The following SENP1 variants were observed in gnomAD, a reference collection of about 807,000 sequenced individuals.
The protein encoded by SENP1 is SUMO specific peptidase 1.
Under a neutral mutation model 93.0 loss-of-function variants are expected in SENP1, and 21 were observed. The ratio of observed to expected loss-of-function variants is 0.23; its 90% CI spans 0.16 to 0.33. The LOEUF (loss-of-function observed/expected upper bound fraction) is 0.33. Among genes scored for constraint, SENP1 ranks in the 10% least tolerant of loss-of-function variants. The pLI is 1.00. For synonymous variants in SENP1, 256 were observed against 259.6 expected, an observed-to-expected ratio of 0.99 and a Z score of 0.13; for missense variants, 591 against 758.7, an observed-to-expected ratio of 0.78 and a Z score of 2.60.
intron 1 of SENP1, among the ~76,000 whole-genome samples, chr12:48,103,819 C>G (rs1011686376): frequency 6.6e-6 from 1 of 152,128 alleles, no homozygotes; most frequent in Non-Finnish European, 1.5e-5. Context: ...CAAAAAAGAT[C>G]ACAGTCTTGA....
chr12:48,071,804 C>T, intron 8 of SENP1, 83 bp from the exon 9 acceptor site: 1 of 898,596 alleles, frequency 1.1e-6, no homozygotes, highest in South Asian at 1.7e-5. Flanking sequence ...AGTTCCCATA[C>T]TTTGCTATAT....
chr12:48,078,830 C>T, intron 6 of SENP1, among the ~76,000 whole-genome samples: 1 of 152,202 alleles, frequency 6.6e-6, no homozygotes, highest in East Asian at 1.9e-4. Flanking sequence ...ACATCTTTCT[C>T]TGTAAATTAC....
intron 11 of SENP1, 40 bp downstream of exon 11, chr12:48,065,556 T>C (rs1005693886): frequency 1.5e-6 from 2 of 1,308,282 alleles, no homozygotes; most frequent in Non-Finnish European, 2.1e-6. Flanking sequence ...TACTTTGATG[T>C]ACTATTTATT....
intron 2 of SENP1, 63 bp from the exon 3 acceptor site, chr12:48,098,187 C>T (rs1321884826): frequency 1.8e-5 from 28 of 1,520,584 alleles, no homozygotes; most frequent in Non-Finnish European, 2.2e-5. Context: ...TTCCTATGAA[C>T]CAATCTTTTC....
chr12:48,047,110 A>G, intron 15 of SENP1, 48 bp from the exon 16 acceptor site: 11 of 1,143,412 alleles, frequency 9.6e-6, no homozygotes, highest in Non-Finnish European at 1.4e-5. Context: ...AACATCGATG[A>G]CAGCTGCCAC....
At chr12:48,073,703 C>T (rs1409641415) in intron 8 of SENP1, among the ~76,000 whole-genome samples, 1 of 152,156 alleles carries the variant, frequency 6.6e-6, no homozygotes, top group African/African-American at 2.4e-5. Context: ...GACAATCATT[C>T]TAAAACGCAC....
intron 12 of SENP1, among the ~76,000 whole-genome samples, chr12:48,064,576 T>A (rs1943172489): frequency 6.6e-6 from 1 of 152,226 alleles, no homozygotes; most frequent in African/African-American, 2.4e-5. Context: ...AGTTCTTTCA[T>A]AAATTTTCAA....
intron 4 of SENP1, among the ~76,000 whole-genome samples, chr12:48,093,778 A>C (rs1945374568): frequency 6.6e-6 from 1 of 152,004 alleles, no homozygotes; most frequent in African/African-American, 2.4e-5. Context: ...TAGCCTGGAC[A>C]ACATGGCGAA....
chr12:48,068,761 A>G (rs1943462999), intron 9 of SENP1, among the ~76,000 whole-genome samples: 1 of 152,224 alleles, frequency 6.6e-6, no homozygotes, highest in African/African-American at 2.4e-5. Flanking sequence ...TATTAGTAAC[A>G]AACAAGGTAG....
At chr12:48,068,670 A>G (rs1217145222) in intron 9 of SENP1, among the ~76,000 whole-genome samples, 2 of 152,170 alleles carry the variant, frequency 1.3e-5, no homozygotes, top group Non-Finnish European at 2.9e-5. Flanking sequence ...TAGGAAATTC[A>G]TTTGTTTAAC....
At chr12:48,054,494 T>G (rs1942071888) in intron 13 of SENP1, among the ~76,000 whole-genome samples, 1 of 152,158 alleles carries the variant, frequency 6.6e-6, no homozygotes, top group Admixed American at 6.5e-5. Flanking sequence ...TCTTTACATT[T>G]AAAATGGTTC....
At chr12:48,076,575 G>A (rs751779317) in intron 6 of SENP1, among the ~76,000 whole-genome samples, 30 of 150,688 alleles carry the variant, frequency 2.0e-4, no homozygotes, top group South Asian at 4.2e-4. Flanking sequence ...CAAGTGATGC[G>A]CCCACCTTGG....
At chr12:48,078,528 CTTTT>C (rs1202490164) in intron 6 of SENP1, among the ~76,000 whole-genome samples, 54 of 146,430 alleles carry the variant, frequency 3.7e-4, no homozygotes, top group African/African-American at 1.3e-3. Context: ...AATCTTATTT[CTTTT>C]TTTTTTGAGA....
rs1433253554 is a variant in SENP1, at chr12:48,044,454, T to G, written c.*868A>C. 1 of 151,582 alleles carries G rather than the reference T, an allele frequency of 6.6e-6. No homozygotes were observed. Among genetic ancestry groups the G allele is most frequent in the Non-Finnish European group, 1.5e-5 (1 of 67,944 alleles). The allele number at this position is 151,582 out of a possible 1,614,324, so 9.4% of individuals were successfully genotyped here. On this transcript the variant is annotated 3_prime_UTR_variant, in exon 18 of 18. Coordinates refer to ENST00000549518, the MANE Select transcript of SENP1 (RefSeq NM_001267594.2). ...TATTTAAACTAGCCACAGACCAAACTAGATCTGCATTCATCCAGCGCTGGA... is the reference window on the plus strand; with the variant it reads ...TATTTAAACTAGCCACAGACCAAACGAGATCTGCATTCATCCAGCGCTGGA...
intron 5 of SENP1, chr12:48,085,281 G>A (rs1181332583): frequency 6.5e-7 from 1 of 1,548,898 alleles, no homozygotes; most frequent in East Asian, 2.3e-5. Context: ...CGCAGAGATG[G>A]TGCAGCATGC....
intron 13 of SENP1, among the ~76,000 whole-genome samples, chr12:48,061,102 C>G (rs1942930545): frequency 6.6e-6 from 1 of 152,112 alleles, no homozygotes; most frequent in Non-Finnish European, 1.5e-5. Flanking sequence ...ATACATATCC[C>G]AAACATAGGA....
chr12:48,051,130 C>T (rs920993735), intron 13 of SENP1, among the ~76,000 whole-genome samples: 1 of 151,518 alleles, frequency 6.6e-6, no homozygotes, highest in African/African-American at 2.4e-5. Context: ...CTATACATCA[C>T]TATTCTATTT....
chr12:48,086,356 A>G (rs1944861906), intron 5 of SENP1, among the ~76,000 whole-genome samples: 2 of 152,214 alleles, frequency 1.3e-5, no homozygotes, highest in Middle Eastern at 3.2e-3. Context: ...TATTTCATTA[A>G]CTCTAATAAA....
chr12:48,079,315 T>A (rs912991724), intron 6 of SENP1, among the ~76,000 whole-genome samples: 1 of 151,896 alleles, frequency 6.6e-6, no homozygotes, highest in Non-Finnish European at 1.5e-5. Context: ...CTGGCTAACA[T>A]GGTGAAACTC....
Sources: gnomAD v4.1 joint callset for allele counts (sites outside exome capture counted in the v4.1 genomes callset) on GRCh38, gnomAD v4.1.1 for gene constraint, MANE v1.5 for transcripts, NCBI Gene and HGNC (gene_info 2026-07-23, HGNC 2026-07-21) for gene names.